CCDC148: variants seen among roughly 807,000 people sequenced by gnomAD.
CCDC148 encodes coiled-coil domain containing 148.
CCDC148 carries 89 observed loss-of-function variants against 85.7 expected under a neutral mutation model. The ratio of observed to expected loss-of-function variants is 1.04; its 90% CI spans 0.87 to 1.24. CCDC148 has a LOEUF of 1.24. Among genes scored for constraint, CCDC148 ranks in the 50% most tolerant of loss-of-function variants. The pLI, the probability that CCDC148 is intolerant of heterozygous loss-of-function variation, is 0.00. For missense variants in CCDC148, 692 were observed against 671.7 expected (o/e 1.03, Z -0.33); for synonymous variants, 230 against 213.9 (o/e 1.08, Z -0.66).
At chr2:158,342,611 T>C (rs1482143565) in intron 3 of CCDC148, among the ~76,000 whole-genome samples, 1 of 152,154 alleles carries the variant, frequency 6.6e-6, no homozygotes, top group African/African-American at 2.4e-5. Context: ...ATATGGGTAA[T>C]TTTTGATGTT....
At chr2:158,175,987 G>C (rs563847599) in intron 13 of CCDC148, among the ~76,000 whole-genome samples, 2 of 152,048 alleles carry the variant, frequency 1.3e-5, no homozygotes, top group African/African-American at 4.8e-5. Flanking sequence ...CTCAGGCACA[G>C]ATTAAAATGA....
chr2:158,307,061 T>C (rs1415650230), intron 9 of CCDC148, among the ~76,000 whole-genome samples: 2 of 151,370 alleles, frequency 1.3e-5, no homozygotes, highest in Non-Finnish European at 2.9e-5. Context: ...ATAACATATC[T>C]CAAAGACATT....
intron 1 of CCDC148, among the ~76,000 whole-genome samples, chr2:158,399,311 G>C (rs1426921000): frequency 6.6e-6 from 1 of 152,028 alleles, no homozygotes; most frequent in Non-Finnish European, 1.5e-5. Context: ...GCCTGGCAGA[G>C]ACACACACAC....
At position 158,259,033 on chromosome 2, in the gene CCDC148, T is replaced by C. The variant is rs899850894; in HGVS notation, c.1111-8121A>G. Reference sequence around the variant, plus strand: ...CTGTGTTCCAGATGCACCTTACAGATAGATCCCTGAACAGGCCACATGCCT... The same window carrying C: ...CTGTGTTCCAGATGCACCTTACAGACAGATCCCTGAACAGGCCACATGCCT... On this transcript the variant is annotated intron_variant, in intron 9 of 13. Coordinates refer to ENST00000283233, the MANE Select transcript of CCDC148 (RefSeq NM_138803.4). Among the ~76,000 whole-genome samples, 10 of 151,910 alleles carry C rather than the reference T, an allele frequency of 6.6e-5. No individual in the cohort carries two copies. The East Asian group carries it at 1.7e-3, about 27-fold the overall frequency.
chr2:158,303,671 G>A (rs1691551581), intron 9 of CCDC148, among the ~76,000 whole-genome samples: 1 of 152,104 alleles, frequency 6.6e-6, no homozygotes, highest in Admixed American at 6.5e-5. Flanking sequence ...TTTTACTATA[G>A]TGTACTTTAT....
intron 7 of CCDC148, among the ~76,000 whole-genome samples, chr2:158,316,419 T>A (rs1692285299): frequency 6.6e-6 from 1 of 152,174 alleles, no homozygotes; most frequent in Non-Finnish European, 1.5e-5. Context: ...CATAAGACAT[T>A]AAAGTCAGAT....
chr2:158,327,845 G>C (rs1692861999), intron 7 of CCDC148, among the ~76,000 whole-genome samples: 1 of 151,878 alleles, frequency 6.6e-6, no homozygotes, highest in Admixed American at 6.6e-5. Context: ...CTATAGTACA[G>C]ATCTTTTACA....
intron 7 of CCDC148, among the ~76,000 whole-genome samples, chr2:158,321,633 C>T (rs1393087595): frequency 6.6e-6 from 1 of 152,120 alleles, no homozygotes; most frequent in Admixed American, 6.5e-5. Flanking sequence ...ACCTATTATA[C>T]CCCTTTCCCT....
intron 11 of CCDC148, among the ~76,000 whole-genome samples, chr2:158,199,047 TA>T (rs1230216398): frequency 6.6e-6 from 1 of 152,084 alleles, no homozygotes; most frequent in African/African-American, 2.4e-5. Flanking sequence ...GCTTGAAAGG[TA>T]TGTATAGGCT....
At chr2:158,408,326 T>G (rs558778646) in intron 1 of CCDC148, among the ~76,000 whole-genome samples, 107 of 152,256 alleles carry the variant, frequency 7.0e-4, no homozygotes, top group African/African-American at 2.4e-3. Flanking sequence ...ACGTTAGATC[T>G]CCAGAATTTA....
rs142860611 is a variant in CCDC148, at chr2:158,443,106, A to G, written c.25+13309T>C. Among the ~76,000 whole-genome samples the G allele has an allele frequency of 1.7e-3, 258 of 152,214 alleles. 1 individual carries two copies. Among genetic ancestry groups the G allele is most frequent in the African/African-American group, 5.9e-3 (245 of 41,536 alleles). ...CTTGTTAAGGTAGGGGTAAGGTCCT[A>G]GAGTTAGGGACAGGAAGGCAAGATA... On this transcript the variant is annotated intron_variant, in intron 1 of 13. Coordinates refer to ENST00000283233, the MANE Select transcript of CCDC148 (RefSeq NM_138803.4).
At chr2:158,353,483 C>T (rs1256550873) in intron 2 of CCDC148, among the ~76,000 whole-genome samples, 3 of 150,880 alleles carry the variant, frequency 2.0e-5, no homozygotes, top group Admixed American at 6.6e-5. Flanking sequence ...ACAAAGAAGG[C>T]CATTACATAA....
At chr2:158,208,079 T>C (rs1417548399) in intron 11 of CCDC148, among the ~76,000 whole-genome samples, 7 of 152,002 alleles carry the variant, frequency 4.6e-5, no homozygotes, top group African/African-American at 7.3e-5. Flanking sequence ...TCACAGGTCA[T>C]GGAATATAAA....
chr2:158,406,628 T>TTTTTTTTGTTTTTGTTTTTG (rs1553518884), intron 1 of CCDC148, among the ~76,000 whole-genome samples: 4,999 of 118,884 alleles, frequency 0.042, 452 homozygotes, highest in African/African-American at 0.14. Context: ...TTTTTTTTTT[T>TTTTTTTTGTTTTTGTTTTTG]TTTTTTTTTT....
intron 11 of CCDC148, among the ~76,000 whole-genome samples, chr2:158,216,544 G>A (rs1440359884): frequency 6.6e-6 from 1 of 151,374 alleles, no homozygotes; most frequent in Non-Finnish European, 1.5e-5. Flanking sequence ...TTACAGGTGC[G>A]TGCCACCATG....
intron 1 of CCDC148, among the ~76,000 whole-genome samples, chr2:158,438,322 A>G (rs568792286): frequency 1.5e-3 from 221 of 152,318 alleles, no homozygotes; most frequent in African/African-American, 5.1e-3. Flanking sequence ...ATAATGCCGC[A>G]TATCTACAAC....
intron 9 of CCDC148, among the ~76,000 whole-genome samples, chr2:158,257,429 G>C (rs1689054336): frequency 6.6e-6 from 1 of 151,662 alleles, no homozygotes; most frequent in East Asian, 1.9e-4. Flanking sequence ...TTTTTCCAAT[G>C]TACCACTGTT....
At chr2:158,225,298 C>A (rs1263858247) in intron 10 of CCDC148, among the ~76,000 whole-genome samples, 1 of 152,178 alleles carries the variant, frequency 6.6e-6, no homozygotes, top group Non-Finnish European at 1.5e-5. Context: ...CACCCAGATT[C>A]ATAAAGCAAG....
intron 1 of CCDC148, among the ~76,000 whole-genome samples, chr2:158,384,695 G>T (rs1221720821): frequency 1.3e-5 from 2 of 152,108 alleles, no homozygotes; most frequent in Non-Finnish European, 2.9e-5. Flanking sequence ...AGCAATGCAA[G>T]AAGGGACCAA....
Sources: gnomAD v4.1 joint callset for allele counts (sites outside exome capture counted in the v4.1 genomes callset) on GRCh38, gnomAD v4.1.1 for gene constraint, MANE v1.5 for transcripts, NCBI Gene and HGNC (gene_info 2026-07-23, HGNC 2026-07-21) for gene names.